The following CDK12 variants were observed in gnomAD, a reference collection of about 807,000 sequenced individuals.
The protein encoded by CDK12 is cyclin-dependent kinase 12.
Under a neutral mutation model 133.8 loss-of-function variants are expected in CDK12, and 17 were observed. That is an observed-to-expected ratio of 0.13 (90% CI 0.09 to 0.19). The LOEUF (loss-of-function observed/expected upper bound fraction) is 0.19, where lower values mean the gene tolerates loss of function less well. CDK12 is among the 10% of genes least tolerant of loss of function. The pLI is 1.00. For synonymous variants in CDK12, 694 were observed against 683.6 expected, an observed-to-expected ratio of 1.02 and a Z score of -0.24; for missense variants, 1,508 against 1,818.7, an observed-to-expected ratio of 0.83 and a Z score of 3.11.
chr17:39,503,351 G>T (rs1216511223), intron 6 of CDK12, among the ~76,000 whole-genome samples: 1 of 152,198 alleles, frequency 6.6e-6, no homozygotes, highest in African/African-American at 2.4e-5. Context: ...GGTATTACAA[G>T]CGTGAGCCAC....
chr17:39,542,646 G>T (rs1193273713), intron 1 of CDK12, among the ~76,000 whole-genome samples: 5 of 151,786 alleles, frequency 3.3e-5, no homozygotes, highest in African/African-American at 7.3e-5. Context: ...AAGTAGCTGG[G>T]ATTACAGGCA....
intron 2 of CDK12, among the ~76,000 whole-genome samples, chr17:39,553,529 G>T (rs11658219): frequency 1.3e-5 from 2 of 152,182 alleles, no homozygotes; most frequent in Admixed American, 1.3e-4. Flanking sequence ...GTGCCAGCTC[G>T]CCTGGCTAGT....
downstream of CDK12, among the ~76,000 whole-genome samples, chr17:39,537,157 GC>G (rs1345314737): frequency 6.6e-6 from 1 of 152,132 alleles, no homozygotes; most frequent in Admixed American, 6.5e-5. Flanking sequence ...TACCTAAGGG[GC>G]CTATCTGATG....
chr17:39,510,729 T>C (rs1204245895), intron 7 of CDK12, among the ~76,000 whole-genome samples: 1 of 151,512 alleles, frequency 6.6e-6, no homozygotes, highest in African/African-American at 2.4e-5. Context: ...TTCCCCTGCC[T>C]CAGCCTCCTG....
intron 6 of CDK12, among the ~76,000 whole-genome samples, chr17:39,505,227 C>CAAAA (rs149103539): frequency 2.1e-4 from 10 of 47,550 alleles, no homozygotes; most frequent in Middle Eastern, 0.011. Flanking sequence ...GACTCCGTTT[C>CAAAA]AAAAAAAAAA....
chr17:39,482,018 T>A (rs1158768081), intron 2 of CDK12, among the ~76,000 whole-genome samples: 4 of 139,000 alleles, frequency 2.9e-5, no homozygotes, highest in Non-Finnish European at 1.6e-5. Flanking sequence ...GGCTTGCCTT[T>A]TTTTTTTTTT....
downstream of CDK12, among the ~76,000 whole-genome samples, chr17:39,565,061 C>T (rs1316368591): frequency 6.6e-6 from 1 of 152,166 alleles, no homozygotes; most frequent in Non-Finnish European, 1.5e-5. Context: ...CCTTCCCTGC[C>T]CCTGCTTCCT....
intron 13 of CDK12, among the ~76,000 whole-genome samples, chr17:39,527,064 A>G (rs2054539358): frequency 1.3e-5 from 2 of 152,254 alleles, no homozygotes; most frequent in African/African-American, 2.4e-5. Context: ...TGTATTTGCA[A>G]AATCTTTACT....
At chr17:39,499,787 T>C (rs1426224543) in intron 5 of CDK12, among the ~76,000 whole-genome samples, 2 of 152,140 alleles carry the variant, frequency 1.3e-5, no homozygotes, top group Non-Finnish European at 2.9e-5. Flanking sequence ...GTGCTGGAAT[T>C]ACAGGCATGA....
chr17:39,481,806 C>T (rs77172439), intron 2 of CDK12, among the ~76,000 whole-genome samples: 51 of 151,704 alleles, frequency 3.4e-4, no homozygotes, highest in Middle Eastern at 3.4e-3. Flanking sequence ...CTGCAACCTC[C>T]GCCTCCCGGG....
Position 39,531,406 on chromosome 17 carries a change from G to A in CDK12, c.*90G>A, listed in dbSNP as rs895122260. 1.4e-5 allele frequency: 18 copies of A among 1,261,688 alleles called. No individual in the cohort carries two copies. Among genetic ancestry groups the A allele is most frequent in the Middle Eastern group, 2.1e-4 (1 of 4,666 alleles). The allele number at this position is 1,261,688 out of a possible 1,614,324, so 78.2% of individuals were successfully genotyped here. On this transcript the variant is annotated 3_prime_UTR_variant, in exon 14 of 14. Transcript: ENST00000447079. ...CTTTAATGAAATCATTTGCCAGAGC[G>A]AGGTAATCATCTGCATTTGGCTACT...
intron 1 of CDK12, chr17:39,550,486 G>T (rs1373073243): frequency 1.3e-5 from 2 of 152,356 alleles, no homozygotes; most frequent in African/African-American, 4.8e-5. Flanking sequence ...GGTTGGGCTT[G>T]TCCCAGGGAG....
At chr17:39,561,644 G>A (rs569397117) in intron 3 of CDK12, among the ~76,000 whole-genome samples, 2 of 152,276 alleles carry the variant, frequency 1.3e-5, no homozygotes, top group East Asian at 1.9e-4. Context: ...TCCTCTCCTG[G>A]GAGTTCTGTC....
downstream of CDK12, among the ~76,000 whole-genome samples, chr17:39,538,921 A>G (rs34556914): frequency 0.01 from 1,525 of 146,424 alleles, 31 homozygotes; most frequent in African/African-American, 0.041. Flanking sequence ...ACATACATAC[A>G]TACATACATA....
chr17:39,510,521 C>A (rs908198654), intron 7 of CDK12, among the ~76,000 whole-genome samples: 1 of 152,116 alleles, frequency 6.6e-6, no homozygotes, highest in Non-Finnish European at 1.5e-5. Flanking sequence ...ACATTTTAGG[C>A]AGCAAATTTT....
Position 39,494,521 on chromosome 17 carries a change from CAGG to C in CDK12, c.2249_2251del (p.Gly750del). 1 of 1,613,024 alleles carries C rather than the reference CAGG, an allele frequency of 6.2e-7. No homozygotes were observed. The highest frequency in any genetic ancestry group is 8.5e-7 in the Non-Finnish European group (1 of 1,179,346). On this transcript the variant is annotated splice_acceptor_variant and coding_sequence_variant, in exon 5 of 14. Coordinates refer to ENST00000447079, the MANE Select transcript of CDK12 (RefSeq NM_016507.4). LOFTEE classifies it high-confidence loss of function. ...TAATAACAGTTTACATTTGTTTTGG[CAGG>C]AGAACTAGTGGCTCTGAAGAAGGTG...
At chr17:39,564,125 A>G (rs1028536006) in intron 3 of CDK12, among the ~76,000 whole-genome samples, 2 of 152,206 alleles carry the variant, frequency 1.3e-5, no homozygotes, top group African/African-American at 4.8e-5. Flanking sequence ...TATAAGATGC[A>G]GAGGTCAGAG....
chr17:39,522,345 C>T (rs758071185), intron 11 of CDK12, among the ~76,000 whole-genome samples: 1 of 152,120 alleles, frequency 6.6e-6, no homozygotes, highest in Non-Finnish European at 1.5e-5. Flanking sequence ...CCTCGGCCTC[C>T]GAAAGTGCTG....
At position 39,494,492 on chromosome 17, in the gene CDK12, T is replaced by C. The variant is rs150596077; in HGVS notation, c.2249-32T>C. ...TCACAATAGTGGCCAAAAATGCTCA[T>C]TGATAATAACAGTTTACATTTGTTT... On this transcript the variant is annotated intron_variant, in intron 4 of 13. Transcript: ENST00000447079. 2.0e-4 allele frequency: 327 copies of C among 1,604,444 alleles called. 1 individual carries two copies. The African/African-American group carries it at 3.7e-3, about 18-fold the overall frequency.
Sources: allele counts gnomAD v4.1 joint callset (sites outside exome capture counted in the v4.1 genomes callset), GRCh38; gene constraint gnomAD v4.1.1; transcripts MANE v1.5; gene names NCBI Gene and HGNC (gene_info 2026-07-23, HGNC 2026-07-21).